Variants in NTMT1 observed in about 807,000 individuals in gnomAD.
The protein encoded by NTMT1 is N-terminal Xaa-Pro-Lys N-methyltransferase 1.
Under a neutral mutation model 17.5 loss-of-function variants are expected in NTMT1, and 8 were observed. The observed-to-expected ratio is 0.46, with a 90% CI of 0.27 to 0.82. The LOEUF (loss-of-function observed/expected upper bound fraction) is 0.82, where lower values mean the gene tolerates loss of function less well. NTMT1 is among the 40% of genes least tolerant of loss of function. The probability of loss-of-function intolerance (pLI) is 0.15; values close to 1 mark genes in which losing one functional copy is unlikely to be tolerated. For missense variants in NTMT1, 221 were observed against 303.5 expected (o/e 0.73, Z 2.02); for synonymous variants, 128 against 126.8 (o/e 1.01, Z -0.06).
chr9:129,615,620 C>T, intron 1 of NTMT1: 2 of 1,592,834 alleles, frequency 1.3e-6, no homozygotes, highest in Admixed American at 1.7e-5. Context: ...CAGCCTTGAG[C>T]CTGGGGACCT....
Position 129,620,326 on chromosome 9 carries a change from CA to C in NTMT1, c.-55+11150del. ...GCACGGCCCGCCGGGTCGCGGTGAG[CA>C]AGGCGGGCAGGCGCGGCGGGAGGCG... On this transcript the variant is annotated intron_variant, in intron 1 of 3. Coordinates refer to the NTMT1 transcript ENST00000372486. The surrounding 1 kb of genome is among the most constrained non-coding windows in gnomAD (Gnocchi z 5.8). 1 of 1,235,306 alleles carries C rather than the reference CA, an allele frequency of 8.1e-7. No individual in the cohort carries two copies. The highest frequency in any genetic ancestry group is 1.0e-6 in the Non-Finnish European group (1 of 988,422). The allele number at this position is 1,235,306 out of a possible 1,614,324, so 76.5% of individuals were successfully genotyped here.
Position 129,635,200 on chromosome 9 carries a change from C to A in NTMT1, c.416-8C>A. The A allele has an allele frequency of 1.2e-6, 2 of 1,603,124 alleles. No homozygotes were observed. Among genetic ancestry groups the A allele is most frequent in the Non-Finnish European group, 1.7e-6 (2 of 1,177,210 alleles). Reference sequence around the variant, plus strand: ...GTGCCCTGGTAACCTTGCCTCTGCCCTCCCCAGGCCACCTCACCGATCAGC... The same window carrying A: ...GTGCCCTGGTAACCTTGCCTCTGCCATCCCCAGGCCACCTCACCGATCAGC... On this transcript the variant is annotated splice_region_variant and splice_polypyrimidine_tract_variant and intron_variant, in intron 3 of 3. Transcript: ENST00000372483.
intron 3 of NTMT1, 28 bp downstream of exon 3, chr9:129,634,334 C>A: frequency 1.3e-6 from 2 of 1,566,122 alleles, no homozygotes; most frequent in South Asian, 2.4e-5. Context: ...CTTCCCTGCT[C>A]ACCTGTATGT....
intron 1 of NTMT1, among the ~76,000 whole-genome samples, chr9:129,612,021 A>G (rs1003047125): frequency 2.6e-5 from 4 of 151,924 alleles, no homozygotes; most frequent in Non-Finnish European, 5.9e-5. Context: ...AAGTTCTGGG[A>G]TTACAGGCAT....
At chr9:129,617,997 C>A (rs1329747025) in intron 1 of NTMT1, among the ~76,000 whole-genome samples, 1 of 152,174 alleles carries the variant, frequency 6.6e-6, no homozygotes, top group Non-Finnish European at 1.5e-5. Flanking sequence ...TGTTCCATTT[C>A]TAGTTCCTAC....
In NTMT1 at chr9:129,634,115, T is replaced by C; in HGVS notation, c.224T>C (p.Ile75Thr). 1 of 1,614,072 alleles carries C rather than the reference T, an allele frequency of 6.2e-7. No individual in the cohort carries two copies. Among genetic ancestry groups the C allele is most frequent in the Non-Finnish European group, 8.5e-7 (1 of 1,179,968 alleles). Residue 75 changes from isoleucine to threonine, a missense_variant, in exon 3 of 4, where the codon ATC becomes ACC. Ile to Thr is a moderately conservative substitution (Grantham distance 89). Transcript: ENST00000372483. ...ALDCGAGIGR[I>T]TKRLLLPLFR... ...GACTGTGGAGCTGGCATTGGGAGGATCACCAAGCGGCTGCTCCTGCCGCTG... is the reference window on the plus strand; with the variant it reads ...GACTGTGGAGCTGGCATTGGGAGGACCACCAAGCGGCTGCTCCTGCCGCTG...
chr9:129,620,005 C>A lies in NTMT1; in HGVS notation c.-55+10827C>A, dbSNP rs1830596929. 2 of 1,472,474 alleles carry A rather than the reference C, an allele frequency of 1.4e-6. No individual in the cohort carries two copies. Among genetic ancestry groups the A allele is most frequent in the South Asian group, 1.4e-5 (1 of 73,368 alleles). The allele number at this position is 1,472,474 out of a possible 1,614,324, so 91.2% of individuals were successfully genotyped here. A position where few individuals can be genotyped will look rare whatever the true frequency, so the allele number is the denominator to read the frequency against. ...TGGTGGGGTGGTGGGTGCGGGGACA[C>A]AAGGGACCACCCCCCACCGGAAATG... On this transcript the variant is annotated intron_variant, in intron 1 of 3. Transcript: ENST00000372486. The surrounding 1 kb of genome is among the most constrained non-coding windows in gnomAD (Gnocchi z 5.8).
chr9:129,615,361 G>C (rs1830312645), intron 1 of NTMT1: 1 of 1,063,608 alleles, frequency 9.4e-7, no homozygotes, highest in African/African-American at 1.6e-5. Context: ...TCCTCTGCAG[G>C]ATCACTGATC....
At chr9:129,634,393 C>T in intron 3 of NTMT1, 87 bp downstream of exon 3, 1 of 1,479,498 alleles carries the variant, frequency 6.8e-7, no homozygotes, top group Non-Finnish European at 9.1e-7. Flanking sequence ...GGGCTTTGCA[C>T]TCCTGCAGCA....
chr9:129,623,537 G>A (rs1323003518), upstream of NTMT1, among the ~76,000 whole-genome samples: 8 of 152,146 alleles, frequency 5.3e-5, no homozygotes, highest in Non-Finnish European at 1.2e-4. Flanking sequence ...GGGAGACAGA[G>A]GTCATTTACA....
intron 1 of NTMT1, among the ~76,000 whole-genome samples, chr9:129,615,830 C>G (rs941858860): frequency 2.6e-5 from 4 of 152,236 alleles, no homozygotes; most frequent in Admixed American, 1.3e-4. Flanking sequence ...CAGGCTCAAG[C>G]ACGCACATAC....
intron 1 of NTMT1, among the ~76,000 whole-genome samples, chr9:129,629,345 C>A (rs1180557027): frequency 6.6e-6 from 1 of 151,872 alleles, no homozygotes; most frequent in Non-Finnish European, 1.5e-5. Context: ...CCGGGCACAT[C>A]TAGCAGTCTT....
At position 129,620,646 on chromosome 9, in the gene NTMT1, G is replaced by T; in HGVS notation, c.-55+11468G>T. ...GGGGGCGCCGGCTGAGGTGGGGAGG[G>T]CATAGTCCAGCCCCAGGCCATAGTG... On this transcript the variant is annotated intron_variant, in intron 1 of 3. Coordinates refer to the NTMT1 transcript ENST00000372486. This position sits in a 1 kb window ranked among gnomAD's most constrained non-coding sequence, Gnocchi z 5.8. 8.1e-7 allele frequency: 1 copy of T among 1,239,194 alleles called. No homozygotes were observed. The highest frequency in any genetic ancestry group is 1.0e-6 in the Non-Finnish European group (1 of 983,842). 76.8% of individuals were successfully genotyped at this position (1,239,194 alleles called of 1,614,324 possible).
intron 1 of NTMT1, chr9:129,612,312 C>T: frequency 6.4e-7 from 1 of 1,563,344 alleles, no homozygotes; most frequent in South Asian, 1.1e-5. Context: ...CATTGCCTGG[C>T]CCATGTGTGC....
intron 1 of NTMT1, among the ~76,000 whole-genome samples, chr9:129,612,019 G>A (rs907331160): frequency 1.3e-5 from 2 of 151,994 alleles, no homozygotes; most frequent in African/African-American, 4.8e-5. Context: ...CAAAGTTCTG[G>A]GATTACAGGC....
At chr9:129,623,823 C>CT (rs746654555), upstream of NTMT1, among the ~76,000 whole-genome samples, 75,674 of 107,464 alleles carry the variant, frequency 0.7, 27,582 homozygotes, top group Middle Eastern at 0.75. Context: ...TTTTTCTTTT[C>CT]TTTTCTTTTT....
At chr9:129,634,534 A>G (rs1831400755) in intron 3 of NTMT1, 1 of 469,510 alleles carries the variant, frequency 2.1e-6, no homozygotes, top group Non-Finnish European at 3.7e-6. Context: ...AATACCTGCT[A>G]CCATCCATTT....
intron 1 of NTMT1, among the ~76,000 whole-genome samples, chr9:129,611,027 C>T (rs918632147): frequency 1.3e-5 from 2 of 152,176 alleles, no homozygotes; most frequent in African/African-American, 2.4e-5. Context: ...TTCTTCCCAT[C>T]CCTGCAGAGT....
At chr9:129,612,173 C>T (rs1588107046) in intron 1 of NTMT1, 2 of 603,050 alleles carry the variant, frequency 3.3e-6, no homozygotes, top group South Asian at 1.8e-5. Context: ...GTGTCTCCAT[C>T]CCCTTCCTTC....
Sources: gnomAD v4.1 joint callset for allele counts (sites outside exome capture counted in the v4.1 genomes callset) on GRCh38, gnomAD v4.1.1 for gene constraint, Gnocchi (gnomAD v3.1) non-coding constraint, MANE v1.5 for transcripts, NCBI Gene and HGNC (gene_info 2026-07-23, HGNC 2026-07-21) for gene names.